CYB5R4: variants seen among roughly 807,000 people sequenced by gnomAD.
CYB5R4 encodes the protein N-terminal cytochrome b5 and cytochrome b5 oxidoreductase domain-containing protein.
Under a neutral mutation model 70.2 loss-of-function variants are expected in CYB5R4, and 55 were observed. The ratio of observed to expected loss-of-function variants is 0.78; its 90% CI spans 0.63 to 0.98. CYB5R4 has a LOEUF of 0.98. Among genes scored for constraint, CYB5R4 ranks in the 50% least tolerant of loss-of-function variants. CYB5R4 has a pLI of 0.00. For synonymous variants in CYB5R4, 197 were observed against 199.5 expected (o/e 0.99, Z 0.11); for missense variants, 562 against 612.6 (o/e 0.92, Z 0.87).
intron 15 of CYB5R4, among the ~76,000 whole-genome samples, chr6:83,957,864 G>A (rs1017696366): frequency 6.6e-6 from 1 of 152,100 alleles, no homozygotes. Context: ...AGCTGCCCTT[G>A]TGACTCTCAG....
At position 83,905,324 on chromosome 6, in the gene CYB5R4, G is replaced by A. The variant is rs146878296; in HGVS notation, c.331-3685G>A. Among the ~76,000 whole-genome samples, 519 of 152,212 alleles carry A rather than the reference G, an allele frequency of 3.4e-3. 1 individual carries two copies. Among genetic ancestry groups the A allele is most frequent in the African/African-American group, 0.011 (442 of 41,546 alleles). Reference sequence around the variant, plus strand: ...TTCCCGCCTCGGCCTCCCAAAGTGCGGAGCCACTGCGCCCGGCCCTTTTTC... The same window carrying A: ...TTCCCGCCTCGGCCTCCCAAAGTGCAGAGCCACTGCGCCCGGCCCTTTTTC... On this transcript the variant is annotated intron_variant, in intron 3 of 15. Coordinates refer to ENST00000369681, the MANE Select transcript of CYB5R4 (RefSeq NM_016230.4).
intron 3 of CYB5R4, among the ~76,000 whole-genome samples, chr6:83,905,671 TTCA>T (rs1417876808): frequency 3.3e-5 from 5 of 151,884 alleles, no homozygotes; most frequent in Non-Finnish European, 5.9e-5. Flanking sequence ...GGCACCAGGG[TTCA>T]TCAAGGCAAG....
At chr6:83,885,112 CA>C (rs1392384932) in intron 2 of CYB5R4, among the ~76,000 whole-genome samples, 7 of 151,886 alleles carry the variant, frequency 4.6e-5, no homozygotes, top group African/African-American at 1.7e-4. Context: ...ATAATGAGCC[CA>C]CTATATGTTA....
intron 3 of CYB5R4, among the ~76,000 whole-genome samples, chr6:83,897,437 G>A (rs905347547): frequency 1.3e-5 from 2 of 152,166 alleles, no homozygotes; most frequent in African/African-American, 4.8e-5. Context: ...TGGGTCAAAT[G>A]GTAATTCTAG....
intron 2 of CYB5R4, among the ~76,000 whole-genome samples, chr6:83,889,174 G>C (rs540028555): frequency 1.3e-5 from 2 of 152,352 alleles, no homozygotes; most frequent in African/African-American, 4.8e-5. Flanking sequence ...TGTAGAAGCT[G>C]CAGCAAGTTA....
At chr6:83,903,449 A>C (rs1481302980) in intron 3 of CYB5R4, among the ~76,000 whole-genome samples, 1 of 151,746 alleles carries the variant, frequency 6.6e-6, no homozygotes, top group Non-Finnish European at 1.5e-5. Flanking sequence ...TTTTCCATTT[A>C]TGTTTATCAG....
intron 10 of CYB5R4, among the ~76,000 whole-genome samples, chr6:83,927,761 G>A (rs74884775): frequency 2.0e-5 from 3 of 152,116 alleles, no homozygotes; most frequent in Non-Finnish European, 2.9e-5. Flanking sequence ...TTACGTAGGT[G>A]TGATTGATTA....
Position 83,959,875 on chromosome 6 carries a change from A to C in CYB5R4, c.1563A>C (p.Ala521=). 1 of 1,596,496 alleles carries C rather than the reference A, an allele frequency of 6.3e-7. No individual in the cohort carries two copies. The highest frequency in any genetic ancestry group is 1.3e-5 in the African/African-American group (1 of 74,712). ...FSKNEIHSFT[A] is the part of the protein sequence containing the mutation. ...AAAATGAGATCCATAGTTTTACAGC[A>C]TAATGAAGAGCTGTCATTGTCCTTT... Residue 521 remains alanine (A), a synonymous_variant, in exon 16 of 16, where the codon GCA becomes GCC. Transcript: ENST00000369681.
chr6:83,876,032 T>A (rs2324477), intron 2 of CYB5R4, among the ~76,000 whole-genome samples: 23,980 of 152,146 alleles, frequency 0.16, 3,744 homozygotes, highest in African/African-American at 0.39. Context: ...TATTCTAATG[T>A]TATCACAAGA....
chr6:83,887,571 G>A (rs2099460450), intron 2 of CYB5R4, among the ~76,000 whole-genome samples: 1 of 152,052 alleles, frequency 6.6e-6, no homozygotes, highest in Admixed American at 6.6e-5. Flanking sequence ...TGATGAATTA[G>A]CTATACAGTG....
At position 83,919,417 on chromosome 6, in the gene CYB5R4, A is replaced by G; in HGVS notation, c.527A>G (p.Asp176Gly). ...SYPSYDWFQT[D>G]SLVTIAIYTK... is the part of the protein sequence containing the mutation. ...TACAGCTATGATTGGTTCCAAACAG[A>G]CTCTTTAGTCACCATTGCCATATAT... The change falls in exon 7 of 16, where the codon GAC (aspartate) becomes GGC (glycine). Residue 176 changes from aspartate to glycine, a missense_variant. By Grantham distance (94) the Asp-to-Gly change is moderately conservative. Coordinates refer to ENST00000369681, the MANE Select transcript of CYB5R4 (RefSeq NM_016230.4). 1 of 1,522,350 alleles carries G rather than the reference A, an allele frequency of 6.6e-7. No individual in the cohort carries two copies. The highest frequency in any genetic ancestry group is 9.0e-7 in the Non-Finnish European group (1 of 1,116,644). The allele number at this position is 1,522,350 out of a possible 1,614,324, so 94.3% of individuals were successfully genotyped here.
chr6:83,884,157 A>C (rs1331413847), intron 2 of CYB5R4, among the ~76,000 whole-genome samples: 2 of 151,958 alleles, frequency 1.3e-5, no homozygotes, highest in Non-Finnish European at 2.9e-5. Flanking sequence ...ATGATAGTTT[A>C]TAATAATTAT....
rs902569872 is a variant in CYB5R4, at chr6:83,963,899, T to G, written c.*4021T>G. Reference sequence around the variant, plus strand: ...GGCAGTTTCCCTCATACTGTTCTCATGGTAGTGAATAACTCTCACAAGACC... The same window carrying G: ...GGCAGTTTCCCTCATACTGTTCTCAGGGTAGTGAATAACTCTCACAAGACC... On this transcript the variant is annotated 3_prime_UTR_variant, in exon 16 of 16. Transcript: ENST00000369681. 1.2e-5 allele frequency: 2 copies of G among 167,676 alleles called. No individual in the cohort carries two copies. Among genetic ancestry groups the G allele is most frequent in the African/African-American group, 4.8e-5 (2 of 41,664 alleles). The allele number at this position is 167,676 out of a possible 1,614,324, so 10.4% of individuals were successfully genotyped here.
Position 83,922,419 on chromosome 6 carries a change from A to G in CYB5R4, c.659-19A>G. 1.2e-6 allele frequency: 2 copies of G among 1,605,052 alleles called. No homozygotes were observed. Among genetic ancestry groups the G allele is most frequent in the Non-Finnish European group, 1.7e-6 (2 of 1,176,714 alleles). On this transcript the variant is annotated intron_variant, in intron 8 of 15. Coordinates refer to ENST00000369681, the MANE Select transcript of CYB5R4 (RefSeq NM_016230.4). ...TGAATTGAAGTTCTATTTTAACTAA[A>G]TAAATTTGTCTGTCCTAGGGCTAAG...
chr6:83,878,310 G>A (rs778006764), intron 2 of CYB5R4, among the ~76,000 whole-genome samples: 1 of 151,460 alleles, frequency 6.6e-6, no homozygotes, highest in Non-Finnish European at 1.5e-5. Context: ...TTTCTCTTTT[G>A]ACAATGAGTT....
At chr6:83,874,895 T>C (rs1405616784) in intron 2 of CYB5R4, among the ~76,000 whole-genome samples, 1 of 152,242 alleles carries the variant, frequency 6.6e-6, no homozygotes, top group African/African-American at 2.4e-5. Context: ...CGATCTTGGC[T>C]CACTGCAACC....
chr6:83,869,413 TATTC>T (rs2099457236), intron 2 of CYB5R4, among the ~76,000 whole-genome samples: 1 of 152,220 alleles, frequency 6.6e-6, no homozygotes, highest in African/African-American at 2.4e-5. Flanking sequence ...CAGTGTCTGT[TATTC>T]ATTCAAAGAC....
intron 2 of CYB5R4, among the ~76,000 whole-genome samples, chr6:83,874,754 A>G (rs971236506): frequency 7.3e-5 from 11 of 151,638 alleles, no homozygotes; most frequent in African/African-American, 2.7e-4. Flanking sequence ...GGTATGTAGG[A>G]CTTCTGTTAG....
chr6:83,898,998 T>C (rs1054985797), intron 3 of CYB5R4, among the ~76,000 whole-genome samples: 25 of 152,322 alleles, frequency 1.6e-4, no homozygotes, highest in Non-Finnish European at 3.5e-4. Flanking sequence ...CTTCCAACAC[T>C]ATGTTGAATA....
Sources: allele counts gnomAD v4.1 joint callset (sites outside exome capture counted in the v4.1 genomes callset), GRCh38; gene constraint gnomAD v4.1.1; transcripts MANE v1.5; gene names NCBI Gene and HGNC (gene_info 2026-07-23, HGNC 2026-07-21).